The following CELF4 variants were observed in gnomAD, a reference collection of about 807,000 sequenced individuals.
CELF4 encodes CUG-BP- and ETR-3-like factor 4.
Under a neutral mutation model 59.9 loss-of-function variants are expected in CELF4, and 18 were observed. The observed-to-expected ratio is 0.30, with a 90% CI of 0.21 to 0.45. CELF4 has a LOEUF of 0.45. Among genes scored for constraint, CELF4 ranks in the 20% least tolerant of loss-of-function variants. The pLI is 1.00. For synonymous variants in CELF4, 261 were observed against 267.1 expected (o/e 0.98, Z 0.22); for missense variants, 456 against 689.0 (o/e 0.66, Z 3.79).
At chr18:37,509,180 C>G (rs2099941480) in intron 1 of CELF4, among the ~76,000 whole-genome samples, 1 of 152,142 alleles carries the variant, frequency 6.6e-6, no homozygotes, top group Non-Finnish European at 1.5e-5. Context: ...CCCCCCTCCT[C>G]TAATGAAAAG....
At chr18:37,410,014 C>A (rs1278731528) in intron 2 of CELF4, among the ~76,000 whole-genome samples, 1 of 152,146 alleles carries the variant, frequency 6.6e-6, no homozygotes, top group Non-Finnish European at 1.5e-5. Flanking sequence ...ATGAGAAAGG[C>A]CAATGAGAAT....
At chr18:37,489,398 G>A (rs2099892350) in intron 1 of CELF4, among the ~76,000 whole-genome samples, 1 of 152,156 alleles carries the variant, frequency 6.6e-6, no homozygotes. Flanking sequence ...GATGGTGAGA[G>A]GCCTGTGGTG....
At chr18:37,252,758 T>G (rs141969648) in intron 12 of CELF4, among the ~76,000 whole-genome samples, 147 of 150,958 alleles carry the variant, frequency 9.7e-4, no homozygotes, top group African/African-American at 3.3e-3. Context: ...CGTCATTGTT[T>G]ATTGTCTGTC....
chr18:37,353,249 T>TATATATATATATATAC (rs1473946530), intron 2 of CELF4, among the ~76,000 whole-genome samples: 2 of 146,598 alleles, frequency 1.4e-5, no homozygotes, highest in Non-Finnish European at 3.0e-5. Flanking sequence ...TATATATATA[T>TATATATATATATATAC]ACATAAAAGA....
chr18:37,516,824 A>T (rs575723582), intron 1 of CELF4, among the ~76,000 whole-genome samples: 3 of 152,130 alleles, frequency 2.0e-5, no homozygotes, highest in Non-Finnish European at 2.9e-5. Context: ...GGCTCCCAAC[A>T]ACTGCGCTCC....
chr18:37,318,224 C>A (rs1337570949), intron 3 of CELF4, among the ~76,000 whole-genome samples: 1 of 151,968 alleles, frequency 6.6e-6, no homozygotes, highest in Non-Finnish European at 1.5e-5. Flanking sequence ...TTCTGCTCCC[C>A]TCGCACCACT....
At chr18:37,317,074 T>G (rs1317709816) in intron 3 of CELF4, among the ~76,000 whole-genome samples, 1 of 152,160 alleles carries the variant, frequency 6.6e-6, no homozygotes, top group Non-Finnish European at 1.5e-5. Context: ...ATCCATACCT[T>G]GAGGTTGCTG....
chr18:37,311,972 A>G (rs1392082721), intron 3 of CELF4, among the ~76,000 whole-genome samples: 1 of 150,688 alleles, frequency 6.6e-6, no homozygotes, highest in Non-Finnish European at 1.5e-5. Context: ...TTAGCCAGGC[A>G]TGGTGGCGGG....
chr18:37,466,601 T>C (rs2099809759), intron 2 of CELF4, among the ~76,000 whole-genome samples: 1 of 152,144 alleles, frequency 6.6e-6, no homozygotes, highest in Non-Finnish European at 1.5e-5. Context: ...CCCACAGCAT[T>C]TCAATAGCCT....
At chr18:37,387,816 C>T (rs1243919003) in intron 2 of CELF4, among the ~76,000 whole-genome samples, 1 of 152,166 alleles carries the variant, frequency 6.6e-6, no homozygotes, top group Non-Finnish European at 1.5e-5. Context: ...TGGTGCTGGC[C>T]CACAGCATCC....
chr18:37,268,858 T>C (rs2078997475), intron 8 of CELF4, among the ~76,000 whole-genome samples: 1 of 152,240 alleles, frequency 6.6e-6, no homozygotes, highest in South Asian at 2.1e-4. Flanking sequence ...AAATTAATTT[T>C]TTTAATGTAC....
At chr18:37,271,254 CTTTT>C (rs34833771) in intron 7 of CELF4, among the ~76,000 whole-genome samples, 45 of 105,554 alleles carry the variant, frequency 4.3e-4, no homozygotes, top group African/African-American at 1.1e-3. Context: ...TCCTTCAGTC[CTTTT>C]TTTTTTTTTT....
chr18:37,320,335 CAA>C (rs397858112), intron 3 of CELF4, among the ~76,000 whole-genome samples: 796 of 65,198 alleles, frequency 0.012, 6 homozygotes, highest in East Asian at 0.083. Flanking sequence ...GACTCCATCT[CAA>C]AAAAAAAAAA....
intron 2 of CELF4, among the ~76,000 whole-genome samples, chr18:37,371,358 G>T (rs570971208): frequency 6.6e-6 from 1 of 152,338 alleles, no homozygotes; most frequent in South Asian, 2.1e-4. Context: ...GCCCCAGGGT[G>T]CTCTGTGGGT....
In CELF4 at chr18:37,320,195, G is replaced by GC; in HGVS notation, c.448+1607_448+1608insG. Reference sequence around the variant, plus strand: ...TACTAAAAATACAAAAATTAGCTGGGTGTGGCGGCATGCGCCTGTAGTCCC... The same window carrying GC: ...TACTAAAAATACAAAAATTAGCTGGGCTGTGGCGGCATGCGCCTGTAGTCCC... On this transcript the variant is annotated intron_variant, in intron 3 of 12. Coordinates refer to ENST00000420428, the MANE Select transcript of CELF4 (RefSeq NM_020180.4). Among the ~76,000 whole-genome samples the GC allele has an allele frequency of 2.0e-5, 3 of 152,250 alleles. No homozygotes were observed. The East Asian group carries it at 5.8e-4, about 30-fold the overall frequency.
intron 1 of CELF4, among the ~76,000 whole-genome samples, chr18:37,550,083 T>TGA (rs1555649085): frequency 1.5e-5 from 1 of 64,748 alleles, no homozygotes; most frequent in Non-Finnish European, 3.5e-5. Flanking sequence ...GTCCAATGGG[T>TGA]GGGGGGGGGG....
At chr18:37,256,099 A>G (rs1432359049) in intron 11 of CELF4, among the ~76,000 whole-genome samples, 1 of 152,170 alleles carries the variant, frequency 6.6e-6, no homozygotes. Context: ...GGCTCTGGGC[A>G]CTGTCTCCCA....
At chr18:37,528,728 A>G (rs1183620103) in intron 1 of CELF4, among the ~76,000 whole-genome samples, 1 of 152,128 alleles carries the variant, frequency 6.6e-6, no homozygotes, top group African/African-American at 2.4e-5. Context: ...AGGGAGAATC[A>G]CACTTCACTG....
chr18:37,459,585 T>C (rs2099788070), intron 2 of CELF4, among the ~76,000 whole-genome samples: 1 of 152,092 alleles, frequency 6.6e-6, no homozygotes, highest in South Asian at 2.1e-4. Flanking sequence ...GGGTCACACA[T>C]GAGCTCAACT....
Sources: allele counts gnomAD v4.1 joint callset (sites outside exome capture counted in the v4.1 genomes callset), GRCh38; gene constraint gnomAD v4.1.1; transcripts MANE v1.5; gene names NCBI Gene and HGNC (gene_info 2026-07-23, HGNC 2026-07-21).